The following CSMD1 variants were observed in gnomAD, a reference collection of about 807,000 sequenced individuals.
CSMD1 encodes the protein CUB and Sushi multiple domains 1.
In CSMD1, 213 loss-of-function variants were observed where a neutral mutation model predicts 417.5. That is an observed-to-expected ratio of 0.51 (90% confidence interval 0.46 to 0.57). CSMD1 has a LOEUF of 0.57. Ranked by LOEUF, CSMD1 falls within the 20% of genes least tolerant of loss-of-function variation. The probability of loss-of-function intolerance (pLI) is 0.00; values close to 1 mark genes in which losing one functional copy is unlikely to be tolerated. For missense variants in CSMD1, 6,923 were observed against 4,529.7 expected, an observed-to-expected ratio of 1.53 and a Z score of -15.17; for synonymous variants, 2,862 against 1,736.8, an observed-to-expected ratio of 1.65 and a Z score of -16.11.
At chr8:3,707,109 C>T (rs903676357) in intron 7 of CSMD1, among the ~76,000 whole-genome samples, 8 of 152,084 alleles carry the variant, frequency 5.3e-5, no homozygotes, top group African/African-American at 1.4e-4. Flanking sequence ...GTCCTCTCAA[C>T]CTGCGCAGGA....
At chr8:4,357,783 G>A (rs929989222) in intron 3 of CSMD1, among the ~76,000 whole-genome samples, 8 of 152,036 alleles carry the variant, frequency 5.3e-5, no homozygotes, top group Non-Finnish European at 1.0e-4. Flanking sequence ...GAATAAGGAG[G>A]ATGGGGAGAC....
In CSMD1 at chr8:3,758,248, G is replaced by A. The variant is rs528902845; in HGVS notation, c.819-4206C>T. On this transcript the variant is annotated intron_variant, in intron 5 of 69. Coordinates refer to ENST00000635120, the MANE Select transcript of CSMD1 (RefSeq NM_033225.6). ...CAGAGTGCTAGGGTTACAGGCGTGA[G>A]CCATCACACTCAGCCTTGCACAGAT... is the stretch of plus-strand genomic sequence containing the variant. Among the ~76,000 whole-genome samples, 4 of 152,308 alleles carry A rather than the reference G, an allele frequency of 2.6e-5. No individual in the cohort carries two copies. In the South Asian group the frequency reaches 8.3e-4, roughly 32 times the overall value.
chr8:3,393,878 T>A (rs1202275374), intron 17 of CSMD1, among the ~76,000 whole-genome samples: 2 of 150,646 alleles, frequency 1.3e-5, no homozygotes, highest in East Asian at 3.9e-4. Flanking sequence ...TTAGGAGATA[T>A]ACCTAATGTA....
At chr8:3,686,134 T>C (rs568712568) in intron 7 of CSMD1, among the ~76,000 whole-genome samples, 1 of 151,984 alleles carries the variant, frequency 6.6e-6, no homozygotes, top group East Asian at 1.9e-4. Context: ...AAAAAAACTG[T>C]CTATGGGACT....
chr8:4,214,263 A>C (rs1005233944), intron 3 of CSMD1, among the ~76,000 whole-genome samples: 4 of 152,200 alleles, frequency 2.6e-5, no homozygotes, highest in Non-Finnish European at 5.9e-5. Flanking sequence ...AGACTTTTAC[A>C]AGAAAATTTT....
At chr8:3,778,099 G>C (rs1175378883) in intron 5 of CSMD1, among the ~76,000 whole-genome samples, 3 of 152,218 alleles carry the variant, frequency 2.0e-5, no homozygotes, top group Admixed American at 6.5e-5. Context: ...TGCTGGCCCA[G>C]AGCATTATCT....
At chr8:3,111,687 C>T (rs1816526055) in intron 42 of CSMD1, among the ~76,000 whole-genome samples, 1 of 152,022 alleles carries the variant, frequency 6.6e-6, no homozygotes, top group Admixed American at 6.6e-5. Flanking sequence ...CAAAAATCAG[C>T]CAGGCGTGGT....
intron 3 of CSMD1, among the ~76,000 whole-genome samples, chr8:4,054,578 G>C (rs936076852): frequency 6.6e-6 from 1 of 152,074 alleles, no homozygotes. Flanking sequence ...CCCTCTTGGT[G>C]GTGTAGTCTA....
chr8:3,907,703 G>A (rs1808203743), intron 5 of CSMD1, among the ~76,000 whole-genome samples: 1 of 152,172 alleles, frequency 6.6e-6, no homozygotes, highest in East Asian at 1.9e-4. Context: ...GGACTTCTGT[G>A]GATTGCTGCC....
intron 10 of CSMD1, among the ~76,000 whole-genome samples, chr8:3,516,025 C>T (rs986416231): frequency 1.3e-5 from 2 of 152,192 alleles, no homozygotes; most frequent in Non-Finnish European, 1.5e-5. Context: ...AACTCAACAT[C>T]TCTGTGGAGA....
chr8:4,864,824 A>G (rs947438858), intron 1 of CSMD1, among the ~76,000 whole-genome samples: 2 of 151,176 alleles, frequency 1.3e-5, no homozygotes, highest in African/African-American at 2.4e-5. Context: ...TTTTCATTGT[A>G]TATAACATTT....
chr8:3,342,167 T>A (rs905168428), intron 23 of CSMD1, among the ~76,000 whole-genome samples: 17 of 152,214 alleles, frequency 1.1e-4, no homozygotes, highest in Non-Finnish European at 1.8e-4. Context: ...TTCCTCATGA[T>A]TTCAGCCACA....
intron 3 of CSMD1, among the ~76,000 whole-genome samples, chr8:4,279,425 G>C (rs7010404): frequency 0.23 from 35,449 of 152,118 alleles, 5,057 homozygotes; most frequent in Non-Finnish European, 0.32. Context: ...ATTTTTGGCA[G>C]TATTGTCCTT....
At chr8:3,192,960 G>C (rs183560536) in intron 33 of CSMD1, among the ~76,000 whole-genome samples, 31 of 151,902 alleles carry the variant, frequency 2.0e-4, no homozygotes, top group Admixed American at 1.4e-3. Context: ...ATATCCCATA[G>C]AGGCTTCCAC....
intron 10 of CSMD1, among the ~76,000 whole-genome samples, chr8:3,524,528 T>G (rs1198295023): frequency 1.6e-5 from 2 of 121,994 alleles, no homozygotes; most frequent in African/African-American, 6.4e-5. Flanking sequence ...TGCAAAGACA[T>G]ACGCACACAC....
At chr8:3,521,030 C>G (rs1585296183) in intron 10 of CSMD1, among the ~76,000 whole-genome samples, 1 of 152,174 alleles carries the variant, frequency 6.6e-6, no homozygotes, top group Non-Finnish European at 1.5e-5. Flanking sequence ...TGTTCTTCAC[C>G]TGTCACCCCT....
chr8:3,196,412 C>G (rs971870135), intron 33 of CSMD1, among the ~76,000 whole-genome samples: 9 of 152,146 alleles, frequency 5.9e-5, no homozygotes, highest in Admixed American at 5.9e-4. Context: ...TATTCCTTAA[C>G]TTTCCTAATA....
chr8:3,529,465 G>C (rs920281892), intron 10 of CSMD1, among the ~76,000 whole-genome samples: 2 of 152,088 alleles, frequency 1.3e-5, no homozygotes, highest in Non-Finnish European at 2.9e-5. Flanking sequence ...CATAAATTTG[G>C]GTTAAAGGAA....
At chr8:4,717,348 CACACACATATAT>C (rs1037775568) in intron 1 of CSMD1, among the ~76,000 whole-genome samples, 2 of 142,000 alleles carry the variant, frequency 1.4e-5, no homozygotes, top group African/African-American at 2.9e-5. Flanking sequence ...CGTATATATA[CACACACATATAT>C]ACACACATAT....
Sources: allele counts gnomAD v4.1 joint callset (sites outside exome capture counted in the v4.1 genomes callset), GRCh38; gene constraint gnomAD v4.1.1; transcripts MANE v1.5; gene names NCBI Gene and HGNC (gene_info 2026-07-23, HGNC 2026-07-21).